Variants in AMPH observed in about 807,000 individuals in gnomAD.
The protein encoded by AMPH is amphiphysin (Stiff-Mann syndrome with breast cancer 128kD autoantigen).
Under a neutral mutation model 99.1 loss-of-function variants are expected in AMPH, and 49 were observed. The ratio of observed to expected loss-of-function variants is 0.49; its 90% CI spans 0.39 to 0.63. The LOEUF is 0.63. AMPH is among the 20% of genes least tolerant of loss of function. The probability of loss-of-function intolerance (pLI) is 0.00; values close to 1 mark genes in which losing one functional copy is unlikely to be tolerated. For missense variants in AMPH, 759 were observed against 863.4 expected (o/e 0.88, Z 1.52); for synonymous variants, 314 against 317.3 (o/e 0.99, Z 0.11).
At chr7:38,483,559 C>T (rs1788375059) in intron 5 of AMPH, among the ~76,000 whole-genome samples, 1 of 152,096 alleles carries the variant, frequency 6.6e-6, no homozygotes, top group Non-Finnish European at 1.5e-5. Flanking sequence ...TGAAATGACC[C>T]AGCATTCTCT....
In AMPH at chr7:38,462,916, TG is replaced by T. The variant is rs1787505030; in HGVS notation, c.888+58del. On this transcript the variant is annotated intron_variant, in intron 10 of 20. Coordinates refer to ENST00000356264, the MANE Select transcript of AMPH (RefSeq NM_001635.4). The stretch of plus-strand genomic sequence containing the variant: ...CCCGGCACCGTGGGATTATCCTAGA[TG>T]GGGCCACCTTCATCTCATCATGAGC... 4 of 1,492,508 alleles carry T rather than the reference TG, an allele frequency of 2.7e-6. No individual in the cohort carries two copies. The Admixed American group carries it at 9.1e-5, about 34-fold the overall frequency. 92.5% of individuals were successfully genotyped at this position (1,492,508 alleles called of 1,614,324 possible).
chr7:38,415,197 G>A (rs2299946), intron 17 of AMPH, among the ~76,000 whole-genome samples: 69,666 of 151,926 alleles, frequency 0.46, 16,250 homozygotes, highest in East Asian at 0.49. Context: ...TGGAAACACC[G>A]TTAAAATTTC....
intron 5 of AMPH, among the ~76,000 whole-genome samples, chr7:38,481,492 A>G (rs573988100): frequency 6.6e-6 from 1 of 152,276 alleles, no homozygotes; most frequent in Admixed American, 6.5e-5. Context: ...TTAGTTGCTC[A>G]TGCATGGCTG....
chr7:38,578,712 G>C (rs1792335528), intron 1 of AMPH, among the ~76,000 whole-genome samples: 1 of 152,152 alleles, frequency 6.6e-6, no homozygotes, highest in South Asian at 2.1e-4. Flanking sequence ...GGGTTGCAGT[G>C]AGTTATGATC....
chr7:38,526,938 T>C (rs1335257432), intron 2 of AMPH, among the ~76,000 whole-genome samples: 1 of 152,236 alleles, frequency 6.6e-6, no homozygotes, highest in Non-Finnish European at 1.5e-5. Context: ...GTTAATTTTG[T>C]ATAAGGGTTA....
At chr7:38,523,152 G>A (rs1273533780) in intron 2 of AMPH, among the ~76,000 whole-genome samples, 1 of 151,472 alleles carries the variant, frequency 6.6e-6, no homozygotes, top group Non-Finnish European at 1.5e-5. Context: ...AATAAAGCAG[G>A]AGACACTGAA....
In AMPH at chr7:38,503,476, T is replaced by C. The variant is rs1789211862; in HGVS notation, c.205+174A>G. On this transcript the variant is annotated intron_variant, in intron 3 of 20. Transcript: ENST00000356264. ...TTTTCCTTATATATTCTGATTATCA[T>C]TTCAATGGGAATTTGGGGCGGGGGG... Among the ~76,000 whole-genome samples the C allele has an allele frequency of 3.2e-5, 4 of 125,972 alleles. No homozygotes were observed. In the Admixed American group the frequency reaches 3.5e-4, roughly 11 times the overall value. The allele number at this position is 125,972 out of a possible 152,430, so 82.6% of individuals were successfully genotyped here.
chr7:38,467,245 C>T (rs1336246496), intron 7 of AMPH, among the ~76,000 whole-genome samples: 1 of 152,094 alleles, frequency 6.6e-6, no homozygotes, highest in East Asian at 1.9e-4. Flanking sequence ...TATTGGCAGG[C>T]AGTGGGCAAA....
intron 5 of AMPH, among the ~76,000 whole-genome samples, chr7:38,489,406 AG>A (rs113622458): frequency 1.0e-3 from 152 of 150,524 alleles, no homozygotes; most frequent in Middle Eastern, 3.4e-3. Context: ...AGAAAAGTTG[AG>A]GGGGGGGGAA....
At chr7:38,629,536 G>C (rs1184447932) in intron 1 of AMPH, among the ~76,000 whole-genome samples, 1 of 152,208 alleles carries the variant, frequency 6.6e-6, no homozygotes, top group Non-Finnish European at 1.5e-5. Context: ...TGCTCCGTAA[G>C]AGATTAGGTT....
intron 2 of AMPH, among the ~76,000 whole-genome samples, chr7:38,507,450 G>A (rs1055018455): frequency 6.6e-6 from 1 of 151,956 alleles, no homozygotes; most frequent in African/African-American, 2.4e-5. Context: ...TAATCAAAAA[G>A]GTAAAAAGCT....
At chr7:38,601,495 G>A (rs13225949) in intron 1 of AMPH, among the ~76,000 whole-genome samples, 23,020 of 152,112 alleles carry the variant, frequency 0.15, 2,047 homozygotes, top group Non-Finnish European at 0.21. Flanking sequence ...CATGATCTAG[G>A]ACACTCAAAG....
chr7:38,398,423 AG>A (rs1252962211), intron 17 of AMPH, among the ~76,000 whole-genome samples: 1 of 152,220 alleles, frequency 6.6e-6, no homozygotes, highest in East Asian at 1.9e-4. Context: ...CATTATGTTA[AG>A]GGAAAAAAGC....
chr7:38,564,143 T>C (rs1584249809), intron 1 of AMPH, among the ~76,000 whole-genome samples: 2 of 152,214 alleles, frequency 1.3e-5, no homozygotes, highest in African/African-American at 4.8e-5. Context: ...AAATGTGTAG[T>C]TGAAGTAAAA....
intron 7 of AMPH, among the ~76,000 whole-genome samples, chr7:38,474,753 A>C (rs1788019082): frequency 6.6e-6 from 1 of 152,222 alleles, no homozygotes; most frequent in Non-Finnish European, 1.5e-5. Flanking sequence ...TAGGAAAAAC[A>C]GAACAACTAT....
rs1332576635 is a variant in AMPH, at chr7:38,432,021, G to T, written c.1158+168C>A. 4 of 723,098 alleles carry T rather than the reference G, an allele frequency of 5.5e-6. 1 individual carries two copies. The highest frequency in any genetic ancestry group is 5.4e-5 in the East Asian group (2 of 37,382). The allele number at this position is 723,098 out of a possible 1,614,324, so 44.8% of individuals were successfully genotyped here. A position where few individuals can be genotyped will look rare whatever the true frequency, so the allele number is the denominator to read the frequency against. On this transcript the variant is annotated intron_variant, in intron 13 of 20. Transcript: ENST00000356264. ...ACTCTTCCTTCACCATCATCTTCCG[G>T]TTCTGATAATGCTCAAGACTTTCAG...
rs563059887 is a variant in AMPH at position 38,426,321 on chromosome 7, G to T, written c.1215+633C>A. ...CAGGTTACACCTGCCTACCTGTTGG[G>T]ACATACACATACACTGTCCTAATGG... On this transcript the variant is annotated intron_variant, in intron 15 of 20. Coordinates refer to ENST00000356264, the MANE Select transcript of AMPH (RefSeq NM_001635.4). Among the ~76,000 whole-genome samples, 251 of 152,212 alleles carry T rather than the reference G, an allele frequency of 1.6e-3. 1 individual carries two copies. Among genetic ancestry groups the T allele is most frequent in the African/African-American group, 5.8e-3 (240 of 41,532 alleles).
intron 9 of AMPH, chr7:38,464,147 A>G: frequency 7.8e-7 from 1 of 1,288,650 alleles, no homozygotes; most frequent in African/African-American, 1.5e-5. Context: ...TTAAGTGGTC[A>G]TGGCCCCGCT....
intron 5 of AMPH, among the ~76,000 whole-genome samples, 154 bp from the exon 6 acceptor site, chr7:38,477,123 T>C (rs112930056): frequency 0.022 from 3,343 of 152,144 alleles, 122 homozygotes; most frequent in African/African-American, 0.077. Context: ...AAGTGACTCC[T>C]GAAAATCAGA....
Sources: allele counts gnomAD v4.1 joint callset (sites outside exome capture counted in the v4.1 genomes callset), GRCh38; gene constraint gnomAD v4.1.1; transcripts MANE v1.5; gene names NCBI Gene and HGNC (gene_info 2026-07-23, HGNC 2026-07-21).